SIK3: variants seen among roughly 807,000 people sequenced by gnomAD.
SIK3 encodes serine/threonine-protein kinase SIK3.
Under a neutral mutation model 144.2 loss-of-function variants are expected in SIK3, and 28 were observed. The observed-to-expected ratio is 0.19, with a 90% CI of 0.14 to 0.27. The LOEUF is 0.27. Among genes scored for constraint, SIK3 ranks in the 10% least tolerant of loss-of-function variants. The pLI is 1.00. For missense variants in SIK3, 1,319 were observed against 1,776.0 expected (o/e 0.74, Z 4.62); for synonymous variants, 686 against 676.3 (o/e 1.01, Z -0.22).
chr11:116,895,336 C>CA (rs1214027346), intron 6 of SIK3, among the ~76,000 whole-genome samples: 2 of 152,194 alleles, frequency 1.3e-5, no homozygotes, highest in African/African-American at 4.8e-5. Context: ...TCCCTTTCTC[C>CA]ATGAAGGGGT....
chr11:116,863,880 G>A (rs1943487276), intron 15 of SIK3, 62 bp from the exon 16 acceptor site: 1 of 1,479,336 alleles, frequency 6.8e-7, no homozygotes, highest in Non-Finnish European at 9.1e-7. Flanking sequence ...AAATCACACA[G>A]GGACTGCTGT....
intron 3 of SIK3, chr11:116,950,377 A>G (rs1410195299): frequency 3.9e-6 from 1 of 259,590 alleles, no homozygotes; most frequent in African/African-American, 2.3e-5. Context: ...ACCAAACTAA[A>G]TATCAAAATG....
chr11:117,061,215 C>A (rs1173695357), intron 1 of SIK3, among the ~76,000 whole-genome samples: 6 of 152,040 alleles, frequency 3.9e-5, no homozygotes, highest in Admixed American at 3.9e-4. Context: ...CCACTGCACT[C>A]CTGGGCAACA....
In SIK3 at chr11:116,953,942, ATCAAGTGACTGCTGC is replaced by A. The variant is rs1949048420; in HGVS notation, c.454+87_454+101del. ...GAAAATGGCAGGATTGAAGAACAGC[ATCAAGTGACTGCTGC>A]TCAAGTGACAAAGGCACTGAACAGC... is the stretch of plus-strand genomic sequence containing the variant. On this transcript the variant is annotated intron_variant, in intron 3 of 24. Coordinates refer to ENST00000445177, the MANE Select transcript of SIK3 (RefSeq NM_001366686.3). 6 of 814,552 alleles carry A rather than the reference ATCAAGTGACTGCTGC, an allele frequency of 7.4e-6. No individual in the cohort carries two copies. In the East Asian group the frequency reaches 1.6e-4, roughly 22 times the overall value. The allele number at this position is 814,552 out of a possible 1,614,324, so 50.5% of individuals were successfully genotyped here.
chr11:116,926,679 T>C (rs1222136643), intron 4 of SIK3, among the ~76,000 whole-genome samples: 2 of 152,184 alleles, frequency 1.3e-5, no homozygotes, highest in Non-Finnish European at 2.9e-5. Context: ...ATTTTAAATA[T>C]CACCTTTCCC....
At chr11:116,863,524 C>T (rs767565527) in intron 16 of SIK3, 144 bp downstream of exon 16, 18 of 1,241,328 alleles carry the variant, frequency 1.5e-5, no homozygotes, top group South Asian at 8.4e-5. Context: ...CCACTGCGCC[C>T]GGCCCAGAAA....
chr11:116,873,424 C>T, intron 13 of SIK3, 57 bp downstream of exon 13: 1 of 1,613,026 alleles, frequency 6.2e-7, no homozygotes, highest in Non-Finnish European at 8.5e-7. Context: ...CCCAGGCTCA[C>T]AACCTTTTTA....
In SIK3 at chr11:116,875,942, C is replaced by A; in HGVS notation, c.1163G>T (p.Arg388Ile). ...TGCTCCGAGACGCAGGGTTTTATGT[C>A]TCTTATGTCGATCACACAGCAGGCT... Reference protein sequence around the residue: ...IYSLLCDRHKRHKTLRLGALP... With the variant: ...IYSLLCDRHKIHKTLRLGALP... Residue 388 changes from arginine to isoleucine, a missense_variant, in exon 9 of 25, where the codon AGA becomes ATA. By Grantham distance (97) the Arg-to-Ile change is moderately conservative (BLOSUM62 -3). Transcript: ENST00000445177. 6.2e-7 allele frequency: 1 copy of A among 1,613,532 alleles called. No individual in the cohort carries two copies. Among genetic ancestry groups the A allele is most frequent in the Non-Finnish European group, 8.5e-7 (1 of 1,179,872 alleles).
At chr11:117,053,947 T>C (rs910864203) in intron 1 of SIK3, among the ~76,000 whole-genome samples, 4 of 151,920 alleles carry the variant, frequency 2.6e-5, no homozygotes, top group Non-Finnish European at 4.4e-5. Context: ...ACACCCAGCA[T>C]TTTCTTTCTA....
chr11:116,987,364 A>G (rs1000950771), intron 1 of SIK3, among the ~76,000 whole-genome samples: 5 of 151,846 alleles, frequency 3.3e-5, no homozygotes, highest in Non-Finnish European at 5.9e-5. Context: ...TCTAAGGTAT[A>G]TTTTGGGGGT....
Position 116,849,305 on chromosome 11 carries a change from G to A in SIK3, c.3656-22C>T, listed in dbSNP as rs113661446. Reference sequence around the variant, plus strand: ...GGCTCTGAGGAGACACAGCAGAATAGAGTCAGTGGGGCGGAACTTCTCCCA... The same window carrying A: ...GGCTCTGAGGAGACACAGCAGAATAAAGTCAGTGGGGCGGAACTTCTCCCA... On this transcript the variant is annotated intron_variant, in intron 21 of 24. Coordinates refer to ENST00000445177, the MANE Select transcript of SIK3 (RefSeq NM_001366686.3). The surrounding 1 kb of genome is among the most constrained non-coding windows in gnomAD (Gnocchi z 4.2). 6.2e-7 allele frequency: 1 copy of A among 1,613,418 alleles called. No homozygotes were observed. Among genetic ancestry groups the A allele is most frequent in the Non-Finnish European group, 8.5e-7 (1 of 1,179,684 alleles).
chr11:117,066,678 G>A (rs1001708324), intron 1 of SIK3, among the ~76,000 whole-genome samples: 1 of 152,048 alleles, frequency 6.6e-6, no homozygotes, highest in Admixed American at 6.6e-5. Flanking sequence ...TGGGACTAAA[G>A]GCACATGCCA....
chr11:117,001,206 G>C (rs1375486182), intron 1 of SIK3, among the ~76,000 whole-genome samples: 1 of 152,176 alleles, frequency 6.6e-6, no homozygotes, highest in Non-Finnish European at 1.5e-5. Context: ...ATCTTTCAAT[G>C]TATAAAAAGT....
chr11:117,037,801 C>T (rs1952578397), intron 1 of SIK3, among the ~76,000 whole-genome samples: 1 of 152,140 alleles, frequency 6.6e-6, no homozygotes, highest in Admixed American at 6.5e-5. Context: ...AAAACACACA[C>T]ACAAAAACCA....
At chr11:117,016,252 G>A (rs1951517265) in intron 1 of SIK3, among the ~76,000 whole-genome samples, 1 of 151,194 alleles carries the variant, frequency 6.6e-6, no homozygotes, top group African/African-American at 2.4e-5. Context: ...CTCGAACCCA[G>A]GAGGCGGCCC....
intron 3 of SIK3, among the ~76,000 whole-genome samples, chr11:116,930,949 C>G (rs1947571456): frequency 6.6e-6 from 1 of 152,018 alleles, no homozygotes; most frequent in Non-Finnish European, 1.5e-5. Context: ...TGTACCCAGA[C>G]AGGGATGAGG....
At chr11:117,041,741 T>C (rs984690828) in intron 1 of SIK3, among the ~76,000 whole-genome samples, 32 of 152,182 alleles carry the variant, frequency 2.1e-4, no homozygotes, top group African/African-American at 7.5e-4. Context: ...TAAATGATTA[T>C]CATGCTTTGT....
At chr11:116,920,734 C>T (rs1220271221) in intron 4 of SIK3, among the ~76,000 whole-genome samples, 1 of 152,144 alleles carries the variant, frequency 6.6e-6, no homozygotes, top group Non-Finnish European at 1.5e-5. Context: ...ATCAGTACCG[C>T]CTGAACTTCA....
In SIK3 at chr11:116,987,385, T is replaced by C. The variant is rs543782296; in HGVS notation, c.274-30321A>G. ...GTATATTTTGGGGGTTAGGATTGAA[T>C]AGATGTTCTGAGAGATAATGAGTAC... is the stretch of plus-strand genomic sequence containing the variant. On this transcript the variant is annotated intron_variant, in intron 1 of 24. Coordinates refer to ENST00000445177, the MANE Select transcript of SIK3 (RefSeq NM_001366686.3). Among the ~76,000 whole-genome samples the C allele has an allele frequency of 1.9e-4, 28 of 149,546 alleles. No individual in the cohort carries two copies. The South Asian group carries it at 4.9e-3, about 26-fold the overall frequency.
Sources: allele counts gnomAD v4.1 joint callset (sites outside exome capture counted in the v4.1 genomes callset), GRCh38; gene constraint gnomAD v4.1.1; non-coding constraint Gnocchi (gnomAD v3.1); transcripts MANE v1.5; gene names NCBI Gene and HGNC (gene_info 2026-07-23, HGNC 2026-07-21).